NRG3: variants seen among roughly 807,000 people sequenced by gnomAD.
NRG3 encodes pro-neuregulin-3, membrane-bound isoform.
NRG3 carries 31 observed loss-of-function variants against 66.9 expected under a neutral mutation model. That is an observed-to-expected ratio of 0.46 (90% confidence interval 0.35 to 0.63). NRG3 has a LOEUF of 0.63. NRG3 is among the 20% of genes least tolerant of loss of function. The pLI, the probability that NRG3 is intolerant of heterozygous loss-of-function variation, is 0.00. For synonymous variants in NRG3, 393 were observed against 359.4 expected (o/e 1.09, Z -1.06); for missense variants, 910 against 878.9 (o/e 1.04, Z -0.45).
intron 3 of NRG3, among the ~76,000 whole-genome samples, chr10:82,822,386 C>G (rs1022701611): frequency 4.6e-5 from 7 of 152,040 alleles, no homozygotes; most frequent in Non-Finnish European, 8.8e-5. Context: ...AGCAGCCCAG[C>G]AGGGAGAGAG....
At chr10:82,117,415 T>C (rs2067798550) in intron 1 of NRG3, among the ~76,000 whole-genome samples, 1 of 152,196 alleles carries the variant, frequency 6.6e-6, no homozygotes, top group African/African-American at 2.4e-5. Context: ...CTCACTCACT[T>C]CCAATCCCTC....
At chr10:82,952,917 A>G (rs1849678282) in intron 5 of NRG3, among the ~76,000 whole-genome samples, 1 of 152,040 alleles carries the variant, frequency 6.6e-6, no homozygotes, top group Admixed American at 6.5e-5. Flanking sequence ...AACTGTTGCA[A>G]AAATAGAACA....
chr10:81,957,420 C>T (rs1218751961), intron 1 of NRG3, among the ~76,000 whole-genome samples: 1 of 152,104 alleles, frequency 6.6e-6, no homozygotes, highest in South Asian at 2.1e-4. Context: ...CTCTGCCCCC[C>T]ATTTAAAATA....
intron 1 of NRG3, among the ~76,000 whole-genome samples, chr10:82,106,552 C>T (rs1217902423): frequency 6.7e-6 from 1 of 149,960 alleles, no homozygotes; most frequent in Non-Finnish European, 1.5e-5. Context: ...GTCACCTAGG[C>T]TGGAGTAAAG....
chr10:81,977,055 A>G (rs535393814), intron 1 of NRG3, among the ~76,000 whole-genome samples: 1 of 152,350 alleles, frequency 6.6e-6, no homozygotes, highest in East Asian at 1.9e-4. Flanking sequence ...TACAGTGGAA[A>G]TGAAGTAAGC....
chr10:82,860,019 T>G (rs1046290417), intron 3 of NRG3, among the ~76,000 whole-genome samples: 7 of 152,190 alleles, frequency 4.6e-5, no homozygotes, highest in African/African-American at 1.7e-4. Flanking sequence ...TGGCATTTAT[T>G]AAGTATGTTG....
chr10:81,965,839 T>C (rs1326617614), intron 1 of NRG3, among the ~76,000 whole-genome samples: 1 of 152,164 alleles, frequency 6.6e-6, no homozygotes, highest in Non-Finnish European at 1.5e-5. Flanking sequence ...AAAGACAGTT[T>C]TGTTTCTTTC....
intron 2 of NRG3, among the ~76,000 whole-genome samples, chr10:82,411,157 C>G (rs1463316134): frequency 5.9e-5 from 9 of 152,088 alleles, no homozygotes; most frequent in African/African-American, 4.8e-5. Flanking sequence ...CTCAGGTGAT[C>G]TACCTGCTTC....
chr10:81,879,546 C>A (rs1389174275), intron 1 of NRG3, among the ~76,000 whole-genome samples: 1 of 152,128 alleles, frequency 6.6e-6, no homozygotes, highest in Non-Finnish European at 1.5e-5. Context: ...ATACTAAAGA[C>A]AAAGAGCCTC....
intron 1 of NRG3, among the ~76,000 whole-genome samples, chr10:82,158,120 T>A (rs1279763565): frequency 6.6e-6 from 1 of 151,734 alleles, no homozygotes; most frequent in Non-Finnish European, 1.5e-5. Flanking sequence ...TTTGTTTTTC[T>A]AGAGTGGTAA....
chr10:82,176,832 C>G (rs905976417), intron 1 of NRG3, among the ~76,000 whole-genome samples: 1 of 151,036 alleles, frequency 6.6e-6, no homozygotes, highest in African/African-American at 2.4e-5. Context: ...CATAGTAGCC[C>G]AGGAGATGCA....
intron 7 of NRG3, among the ~76,000 whole-genome samples, chr10:82,977,922 A>T (rs1385427864): frequency 6.6e-6 from 1 of 152,206 alleles, no homozygotes; most frequent in African/African-American, 2.4e-5. Context: ...TGGTTTCTTT[A>T]GAACCTTGAT....
At chr10:82,178,642 A>G (rs866775135) in intron 1 of NRG3, among the ~76,000 whole-genome samples, 1 of 152,160 alleles carries the variant, frequency 6.6e-6, no homozygotes, top group Non-Finnish European at 1.5e-5. Context: ...GGTTTTTTAT[A>G]TCTCTTGGTT....
chr10:82,111,426 C>A (rs141518483), intron 1 of NRG3, among the ~76,000 whole-genome samples: 1 of 152,146 alleles, frequency 6.6e-6, no homozygotes, highest in East Asian at 1.9e-4. Flanking sequence ...GATACAAACA[C>A]GACCGAGTGC....
chr10:82,533,255 A>G (rs182664208), intron 2 of NRG3, among the ~76,000 whole-genome samples: 20 of 152,090 alleles, frequency 1.3e-4, no homozygotes, highest in Non-Finnish European at 2.9e-5. Context: ...TTGACTTTTC[A>G]TTGCTGATCA....
intron 1 of NRG3, among the ~76,000 whole-genome samples, chr10:82,039,034 T>G (rs929352458): frequency 6.6e-6 from 1 of 152,140 alleles, no homozygotes; most frequent in Non-Finnish European, 1.5e-5. Context: ...TTTTGAAATG[T>G]GTTCTGATAA....
In NRG3 at chr10:82,501,429, A is replaced by G. The variant is rs1362291034; in HGVS notation, c.953+142561A>G. Among the ~76,000 whole-genome samples the G allele has an allele frequency of 3.3e-5, 5 of 152,150 alleles. No homozygotes were observed. In the East Asian group the frequency reaches 7.7e-4, roughly 23 times the overall value. On this transcript the variant is annotated intron_variant, in intron 2 of 8. Coordinates refer to ENST00000372141, the MANE Select transcript of NRG3 (RefSeq NM_001010848.4). ...AAGGGCTCCCTGTTACACTCAGGTC[A>G]AAAGTCAACATACTTTCAAGGTTCC... is the stretch of plus-strand genomic sequence containing the variant.
chr10:82,037,198 G>A (rs2062826433), intron 1 of NRG3, among the ~76,000 whole-genome samples: 1 of 152,154 alleles, frequency 6.6e-6, no homozygotes, highest in Non-Finnish European at 1.5e-5. Context: ...GAGTCAGACT[G>A]CCTGGCAGAT....
chr10:82,947,145 C>G (rs771902543), intron 4 of NRG3, among the ~76,000 whole-genome samples: 22 of 152,094 alleles, frequency 1.4e-4, no homozygotes, highest in Admixed American at 5.2e-4. Context: ...TATCTACATA[C>G]ATGTTTTATG....
Sources: allele counts gnomAD v4.1 joint callset (sites outside exome capture counted in the v4.1 genomes callset), GRCh38; gene constraint gnomAD v4.1.1; transcripts MANE v1.5; gene names NCBI Gene and HGNC (gene_info 2026-07-23, HGNC 2026-07-21).